MDGA2: variants seen among roughly 807,000 people sequenced by gnomAD.
The protein encoded by MDGA2 is MAM domain-containing glycosylphosphatidylinositol anchor protein 2.
A neutral mutation model predicts 117.8 loss-of-function variants in MDGA2; 40 were observed. The ratio of observed to expected loss-of-function variants is 0.34; its 90% CI spans 0.26 to 0.44. The LOEUF (loss-of-function observed/expected upper bound fraction) is 0.44, where lower values mean the gene tolerates loss of function less well. MDGA2 is among the 20% of genes least tolerant of loss of function. The pLI is 1.00. For synonymous variants in MDGA2, 452 were observed against 439.0 expected (o/e 1.03, Z -0.37); for missense variants, 1,123 against 1,250.6 (o/e 0.90, Z 1.54).
At chr14:46,844,004 T>C (rs1880717854) in intron 16 of MDGA2, among the ~76,000 whole-genome samples, 1 of 152,190 alleles carries the variant, frequency 6.6e-6, no homozygotes, top group Non-Finnish European at 1.5e-5. Flanking sequence ...ATGTGAAATA[T>C]GGAGATGAGG....
chr14:47,537,877 T>C (rs898915440), intron 1 of MDGA2, among the ~76,000 whole-genome samples: 3 of 152,198 alleles, frequency 2.0e-5, no homozygotes, highest in African/African-American at 7.2e-5. Context: ...GAGTTCATAG[T>C]AATAAATATT....
At chr14:47,466,488 G>C (rs1893606860) in intron 1 of MDGA2, among the ~76,000 whole-genome samples, 1 of 152,046 alleles carries the variant, frequency 6.6e-6, no homozygotes, top group African/African-American at 2.4e-5. Flanking sequence ...ACATCACCAG[G>C]TTTATCCTCA....
intron 6 of MDGA2, among the ~76,000 whole-genome samples, chr14:47,080,429 T>C (rs1890666165): frequency 6.6e-6 from 1 of 152,194 alleles, no homozygotes. Context: ...AATCTTGAGA[T>C]ATATATGAGT....
intron 1 of MDGA2, among the ~76,000 whole-genome samples, chr14:47,547,097 T>C (rs531547434): frequency 2.0e-5 from 3 of 152,250 alleles, no homozygotes; most frequent in African/African-American, 7.2e-5. Flanking sequence ...CTCACATGAA[T>C]TACCAAAAGG....
intron 1 of MDGA2, among the ~76,000 whole-genome samples, chr14:47,634,569 A>C: frequency 6.6e-6 from 1 of 152,102 alleles, no homozygotes; most frequent in East Asian, 1.9e-4. Flanking sequence ...CCTCCAGTAA[A>C]CAAAACTGTT....
intron 1 of MDGA2, among the ~76,000 whole-genome samples, chr14:47,520,675 A>C (rs1894851078): frequency 6.6e-6 from 1 of 152,182 alleles, no homozygotes; most frequent in Non-Finnish European, 1.5e-5. Context: ...GCTCACGTCC[A>C]AGCAAAAATC....
chr14:47,215,530 T>A (rs1886054543), intron 3 of MDGA2, among the ~76,000 whole-genome samples: 1 of 152,072 alleles, frequency 6.6e-6, no homozygotes, highest in Admixed American at 6.6e-5. Flanking sequence ...CTTAGATAGG[T>A]CTAGTGGTCT....
At chr14:47,487,886 G>A (rs1460986360) in intron 1 of MDGA2, among the ~76,000 whole-genome samples, 1 of 151,964 alleles carries the variant, frequency 6.6e-6, no homozygotes, top group African/African-American at 2.4e-5. Flanking sequence ...TGGCTTTTTG[G>A]GAAATGATTT....
chr14:47,255,820 T>A (rs1225142852), intron 2 of MDGA2, among the ~76,000 whole-genome samples: 1 of 152,104 alleles, frequency 6.6e-6, no homozygotes, highest in Non-Finnish European at 1.5e-5. Flanking sequence ...CTGAGCAGTG[T>A]AGGCATGTTA....
At chr14:46,958,669 T>C (rs1433921960) in intron 8 of MDGA2, among the ~76,000 whole-genome samples, 2 of 152,218 alleles carry the variant, frequency 1.3e-5, no homozygotes, top group Non-Finnish European at 2.9e-5. Flanking sequence ...GAGAGGTAGA[T>C]TGGTGTGTGT....
At chr14:46,982,002 A>T (rs930388173) in intron 8 of MDGA2, among the ~76,000 whole-genome samples, 4 of 152,230 alleles carry the variant, frequency 2.6e-5, no homozygotes, top group Admixed American at 2.6e-4. Context: ...GTTGAGCAAT[A>T]TGTGATATGC....
At chr14:47,063,412 T>C (rs1010078608) in intron 6 of MDGA2, among the ~76,000 whole-genome samples, 1 of 151,984 alleles carries the variant, frequency 6.6e-6, no homozygotes, top group African/African-American at 2.4e-5. Context: ...TAGAATCATA[T>C]ATTCATATTT....
At chr14:47,644,716 T>C (rs550975856) in intron 1 of MDGA2, among the ~76,000 whole-genome samples, 1 of 152,218 alleles carries the variant, frequency 6.6e-6, no homozygotes, top group South Asian at 2.1e-4. Flanking sequence ...ATTTTGAATG[T>C]TCTTATCATA....
At chr14:47,552,175 A>G (rs1206040473) in intron 1 of MDGA2, among the ~76,000 whole-genome samples, 1 of 152,022 alleles carries the variant, frequency 6.6e-6, no homozygotes, top group Non-Finnish European at 1.5e-5. Context: ...TTAGCCCTTG[A>G]CCTTCATTTC....
intron 6 of MDGA2, among the ~76,000 whole-genome samples, chr14:47,074,897 C>T (rs1450307846): frequency 2.6e-5 from 4 of 152,126 alleles, no homozygotes; most frequent in African/African-American, 7.2e-5. Flanking sequence ...TCCCATTGTC[C>T]GCTCGATTTT....
chr14:47,018,733 G>GAAAAAAAAAAAAAAAAAAAA (rs60442845), intron 8 of MDGA2, among the ~76,000 whole-genome samples: 2 of 38,662 alleles, frequency 5.2e-5, no homozygotes, highest in African/African-American at 1.1e-4. Flanking sequence ...CCATTTTACT[G>GAAAAAAAAAAAAAAAAAAAA]AAAAAAAAAA....
At chr14:47,337,278 T>C (rs1890487707) in intron 1 of MDGA2, among the ~76,000 whole-genome samples, 2 of 152,092 alleles carry the variant, frequency 1.3e-5, no homozygotes, top group Admixed American at 1.3e-4. Flanking sequence ...TCAAAATTGT[T>C]TGTAAAGACC....
chr14:47,469,461 A>G (rs1011633509), intron 1 of MDGA2, among the ~76,000 whole-genome samples: 1 of 152,182 alleles, frequency 6.6e-6, no homozygotes, highest in African/African-American at 2.4e-5. Flanking sequence ...AGCTTCATCC[A>G]TGTCCGTACA....
chr14:47,280,282 C>CCAGCCTGG (rs1172789808), intron 2 of MDGA2, among the ~76,000 whole-genome samples: 4 of 121,492 alleles, frequency 3.3e-5, no homozygotes, highest in African/African-American at 1.2e-4. Context: ...CCATTGCACT[C>CCAGCCTGG]CAGCCTGGGC....
Sources: allele counts gnomAD v4.1 joint callset (sites outside exome capture counted in the v4.1 genomes callset), GRCh38; gene constraint gnomAD v4.1.1; transcripts MANE v1.5; gene names NCBI Gene and HGNC (gene_info 2026-07-23, HGNC 2026-07-21).